The following FHOD3 variants were observed in gnomAD, a reference collection of about 807,000 sequenced individuals.
The protein encoded by FHOD3 is FH1/FH2 domain-containing protein 3.
FHOD3 carries 90 observed loss-of-function variants against 173.0 expected under a neutral mutation model. That is an observed-to-expected ratio of 0.52 (90% CI 0.44 to 0.62). The LOEUF is 0.62. Ranked by LOEUF, FHOD3 falls within the 20% of genes least tolerant of loss-of-function variation. The pLI, the probability that FHOD3 is intolerant of heterozygous loss-of-function variation, is 0.00. For synonymous variants in FHOD3, 828 were observed against 823.0 expected (o/e 1.01, Z -0.10); for missense variants, 1,945 against 2,034.7 (o/e 0.96, Z 0.85).
intron 1 of FHOD3, among the ~76,000 whole-genome samples, chr18:36,316,183 A>G (rs1222271692): frequency 1.2e-4 from 18 of 151,984 alleles, no homozygotes; most frequent in Admixed American, 1.2e-3. Context: ...TACCAGCTCC[A>G]TTAAATTAAC....
chr18:36,365,034 G>A lies in FHOD3; in HGVS notation c.273-7646G>A, dbSNP rs1278460978. 2.0e-5 allele frequency among the ~76,000 whole-genome samples: 3 copies of A among 152,242 alleles called. No homozygotes were observed. In the South Asian group the frequency reaches 6.2e-4, roughly 32 times the overall value. The stretch of plus-strand genomic sequence containing the variant: ...TGTGTCCCATCACAGGGTACGTGAG[G>A]GTGGAAGACAAGAGAATGAGCTAAT... On this transcript the variant is annotated intron_variant, in intron 2 of 28. Transcript: ENST00000590592.
intron 5 of FHOD3, among the ~76,000 whole-genome samples, chr18:36,552,415 C>G (rs1173151421): frequency 3.3e-5 from 5 of 152,018 alleles, no homozygotes; most frequent in African/African-American, 4.8e-5. Flanking sequence ...ATCGGGTTTT[C>G]TAAATATACA....
At chr18:36,476,032 A>G (rs1405741475) in intron 3 of FHOD3, among the ~76,000 whole-genome samples, 1 of 152,246 alleles carries the variant, frequency 6.6e-6, no homozygotes, top group Non-Finnish European at 1.5e-5. Flanking sequence ...AAAGCATTTC[A>G]CTAATATAGT....
At position 36,779,605 on chromosome 18, in the gene FHOD3, T is replaced by TTTCA; in HGVS notation, c.*76_*77insTCAT. 1 of 1,280,792 alleles carries TTTCA rather than the reference T, an allele frequency of 7.8e-7. No homozygotes were observed. The highest frequency in any genetic ancestry group is 1.1e-6 in the Non-Finnish European group (1 of 884,154). 79.3% of individuals were successfully genotyped at this position (1,280,792 alleles called of 1,614,324 possible). ...CTGGATGAAACCCCTCCAGGTGGGG[T>TTTCA]TGGGGAGACTTGATATTCACATCCA... On this transcript the variant is annotated 3_prime_UTR_variant, in exon 29 of 29. Transcript: ENST00000590592.
chr18:36,381,074 C>G (rs1292403487), intron 3 of FHOD3, among the ~76,000 whole-genome samples: 1 of 152,198 alleles, frequency 6.6e-6, no homozygotes, highest in African/African-American at 2.4e-5. Context: ...CATCTTTAGC[C>G]CTTCTCTACA....
intron 3 of FHOD3, among the ~76,000 whole-genome samples, chr18:36,377,349 C>T (rs917878262): frequency 6.8e-6 from 1 of 146,970 alleles, no homozygotes; most frequent in African/African-American, 2.5e-5. Context: ...TTTCTCATGG[C>T]TGAGCCCTCC....
chr18:36,666,443 G>A (rs181823280), intron 14 of FHOD3, among the ~76,000 whole-genome samples: 40 of 152,258 alleles, frequency 2.6e-4, no homozygotes, highest in Admixed American at 9.2e-4. Flanking sequence ...TTTACAACTG[G>A]GCATAACTTA....
intron 3 of FHOD3, among the ~76,000 whole-genome samples, chr18:36,396,903 A>G (rs1375825447): frequency 6.6e-6 from 1 of 151,700 alleles, no homozygotes; most frequent in Non-Finnish European, 1.5e-5. Flanking sequence ...ACAGACATCT[A>G]TTGTTTTAGC....
At chr18:36,589,183 C>A (rs537099809) in intron 6 of FHOD3, among the ~76,000 whole-genome samples, 29 of 152,336 alleles carry the variant, frequency 1.9e-4, no homozygotes, top group Non-Finnish European at 3.7e-4. Flanking sequence ...CTGTATATTC[C>A]TGCTTTTGCA....
chr18:36,592,330 G>T (rs1568467153), intron 6 of FHOD3, among the ~76,000 whole-genome samples: 1 of 152,252 alleles, frequency 6.6e-6, no homozygotes, highest in Non-Finnish European at 1.5e-5. Context: ...GAAGGATGAG[G>T]TCAGTCCTGT....
intron 10 of FHOD3, among the ~76,000 whole-genome samples, chr18:36,638,968 A>G (rs1338993740): frequency 1.3e-5 from 2 of 152,134 alleles, no homozygotes; most frequent in African/African-American, 4.8e-5. Context: ...ACACAACTGG[A>G]TTTTTTAGTT....
At chr18:36,426,738 G>T (rs1009847742) in intron 3 of FHOD3, among the ~76,000 whole-genome samples, 1 of 152,194 alleles carries the variant, frequency 6.6e-6, no homozygotes, top group Non-Finnish European at 1.5e-5. Context: ...AGTAACTGAA[G>T]TTGTCACATA....
intron 18 of FHOD3, chr18:36,710,373 A>C (rs2040106287): frequency 6.6e-6 from 1 of 152,216 alleles, no homozygotes; most frequent in African/African-American, 2.4e-5. Flanking sequence ...CTTAGGCCCA[A>C]AGGGCAATAT....
intron 4 of FHOD3, among the ~76,000 whole-genome samples, chr18:36,508,380 A>C (rs1214694701): frequency 6.6e-6 from 1 of 152,076 alleles, no homozygotes; most frequent in Non-Finnish European, 1.5e-5. Flanking sequence ...CTCCTTGGAG[A>C]AGTGGCTGAT....
intron 10 of FHOD3, among the ~76,000 whole-genome samples, chr18:36,640,154 C>T (rs2035201774): frequency 1.3e-5 from 2 of 152,202 alleles, no homozygotes; most frequent in African/African-American, 4.8e-5. Context: ...TTATACTCCT[C>T]CTAAACTTTG....
At chr18:36,747,996 T>C (rs1420349424) in intron 24 of FHOD3, among the ~76,000 whole-genome samples, 2 of 152,210 alleles carry the variant, frequency 1.3e-5, no homozygotes, top group African/African-American at 4.8e-5. Flanking sequence ...TACTTTTATC[T>C]GCACATGAAC....
chr18:36,677,005 A>G (rs2037905041), intron 14 of FHOD3, among the ~76,000 whole-genome samples: 1 of 152,194 alleles, frequency 6.6e-6, no homozygotes, highest in Non-Finnish European at 1.5e-5. Flanking sequence ...ATTTTAATAT[A>G]TGCAAATTTA....
chr18:36,481,032 T>G (rs972004690), intron 3 of FHOD3, among the ~76,000 whole-genome samples: 2 of 150,394 alleles, frequency 1.3e-5, no homozygotes, highest in Non-Finnish European at 2.9e-5. Context: ...TTTTTTTTTT[T>G]TTTTTTTTTT....
chr18:36,458,811 T>C (rs1440552242), intron 3 of FHOD3, among the ~76,000 whole-genome samples: 2 of 152,110 alleles, frequency 1.3e-5, no homozygotes, highest in African/African-American at 2.4e-5. Context: ...TTTTCAAATA[T>C]ATTTTAGTAC....
Sources: allele counts gnomAD v4.1 joint callset (sites outside exome capture counted in the v4.1 genomes callset), GRCh38; gene constraint gnomAD v4.1.1; transcripts MANE v1.5; gene names NCBI Gene and HGNC (gene_info 2026-07-23, HGNC 2026-07-21).